Variants in HDAC9 observed in about 807,000 individuals in gnomAD.
The protein encoded by HDAC9 is histone deacetylase 9.
HDAC9 carries 41 observed loss-of-function variants against 139.4 expected under a neutral mutation model. That is an observed-to-expected ratio of 0.29 (90% CI 0.23 to 0.38). The LOEUF (loss-of-function observed/expected upper bound fraction) is 0.38. Ranked by LOEUF, HDAC9 falls within the 10% of genes least tolerant of loss-of-function variation. The pLI is 1.00. For missense variants in HDAC9, 1,147 were observed against 1,297.0 expected, an observed-to-expected ratio of 0.88 and a Z score of 1.78; for synonymous variants, 517 against 476.2, an observed-to-expected ratio of 1.09 and a Z score of -1.12.
chr7:18,765,860 T>G (rs544521110), intron 15 of HDAC9, among the ~76,000 whole-genome samples: 456 of 152,324 alleles, frequency 3.0e-3, no homozygotes, highest in Non-Finnish European at 4.9e-3. Flanking sequence ...TTTATGATTT[T>G]TATTTGTAAT....
intron 2 of HDAC9, among the ~76,000 whole-genome samples, chr7:18,571,635 T>A (rs942627848): frequency 1.4e-4 from 21 of 152,122 alleles, no homozygotes; most frequent in African/African-American, 1.9e-4. Context: ...TTTTTATTTT[T>A]TTTTTTGGTA....
intron 6 of HDAC9, among the ~76,000 whole-genome samples, chr7:18,623,454 A>G (rs1015432695): frequency 3.3e-5 from 5 of 152,150 alleles, no homozygotes; most frequent in African/African-American, 1.2e-4. Flanking sequence ...TTTTAACATA[A>G]CTTCATCTTA....
At chr7:18,689,546 C>T (rs1782525008) in intron 12 of HDAC9, among the ~76,000 whole-genome samples, 1 of 151,986 alleles carries the variant, frequency 6.6e-6, no homozygotes, top group African/African-American at 2.4e-5. Context: ...TTTCTCTTAA[C>T]CAGATAGTGC....
intron 6 of HDAC9, among the ~76,000 whole-genome samples, chr7:18,623,845 G>A (rs964638542): frequency 1.3e-5 from 2 of 152,116 alleles, no homozygotes; most frequent in Non-Finnish European, 2.9e-5. Context: ...GGGAGGCTGA[G>A]GCAGAATTGC....
At chr7:18,990,927 G>T (rs1277452601) in intron 25 of HDAC9, among the ~76,000 whole-genome samples, 1 of 152,220 alleles carries the variant, frequency 6.6e-6, no homozygotes, top group Non-Finnish European at 1.5e-5. Flanking sequence ...CGCACCCACT[G>T]ACCTGCGCCC....
intron 1 of HDAC9, among the ~76,000 whole-genome samples, chr7:18,429,549 T>TTGTGTG (rs544337272): frequency 0.018 from 2,673 of 150,192 alleles, 65 homozygotes; most frequent in African/African-American, 0.059. Flanking sequence ...GTGTGTGTAT[T>TTGTGTG]TGTGTGTGTG....
chr7:18,498,268 TC>T (rs1790713721), intron 2 of HDAC9, among the ~76,000 whole-genome samples: 1 of 152,258 alleles, frequency 6.6e-6, no homozygotes, highest in Admixed American at 6.5e-5. Context: ...ATTGTATACT[TC>T]CTGTGAGGCA....
chr7:18,829,333 G>T, intron 18 of HDAC9, 117 bp downstream of exon 18: 1 of 1,125,966 alleles, frequency 8.9e-7, no homozygotes, highest in Non-Finnish European at 1.4e-6. Context: ...ATCTTGCGAG[G>T]TACTCCCAGA....
chr7:18,826,154 A>G (rs969517667), intron 17 of HDAC9, among the ~76,000 whole-genome samples: 2 of 152,164 alleles, frequency 1.3e-5, no homozygotes, highest in African/African-American at 4.8e-5. Context: ...AGAGTCAGGC[A>G]TCTTACTGTG....
intron 1 of HDAC9, among the ~76,000 whole-genome samples, chr7:18,155,606 C>T (rs534124654): frequency 1.3e-5 from 2 of 152,172 alleles, no homozygotes; most frequent in Non-Finnish European, 2.9e-5. Context: ...TTACACCCAA[C>T]AATGTAGCCT....
chr7:18,156,173 G>A (rs866794212), intron 1 of HDAC9, among the ~76,000 whole-genome samples: 6 of 152,142 alleles, frequency 3.9e-5, no homozygotes, highest in Admixed American at 2.0e-4. Flanking sequence ...AGTTTATAGA[G>A]CTTGTCTAAT....
At chr7:18,618,726 G>GTATATATATATATATATATATA (rs71014394) in intron 6 of HDAC9, among the ~76,000 whole-genome samples, 5 of 120,050 alleles carry the variant, frequency 4.2e-5, no homozygotes, top group Non-Finnish European at 7.1e-5. Context: ...ACAGAATTTT[G>GTATATATATATATATATATATA]TATATATATA....
chr7:18,770,515 A>G (rs922113752), intron 16 of HDAC9, among the ~76,000 whole-genome samples: 13 of 152,048 alleles, frequency 8.5e-5, no homozygotes, highest in African/African-American at 2.9e-4. Context: ...TCTCAGCCTC[A>G]TTTTCCCCTC....
intron 19 of HDAC9, among the ~76,000 whole-genome samples, chr7:18,835,054 A>G (rs1297604163): frequency 6.6e-6 from 1 of 152,178 alleles, no homozygotes; most frequent in Non-Finnish European, 1.5e-5. Context: ...GGGGTTATGA[A>G]CTGTTGGCAG....
intron 2 of HDAC9, among the ~76,000 whole-genome samples, chr7:18,205,831 GTTTGA>G (rs1408377325): frequency 1.3e-5 from 2 of 152,000 alleles, no homozygotes; most frequent in East Asian, 1.9e-4. Context: ...GTAATTCAGT[GTTTGA>G]TTTATTTCTT....
At chr7:18,557,575 G>A (rs949449908) in intron 2 of HDAC9, among the ~76,000 whole-genome samples, 4 of 150,642 alleles carry the variant, frequency 2.7e-5, no homozygotes, top group Non-Finnish European at 5.9e-5. Flanking sequence ...TCTACTAGTA[G>A]TAGTAGTAGA....
intron 2 of HDAC9, among the ~76,000 whole-genome samples, chr7:18,257,984 A>G (rs986269341): frequency 6.6e-6 from 1 of 152,156 alleles, no homozygotes; most frequent in Non-Finnish European, 1.5e-5. Flanking sequence ...CTCCAACCCC[A>G]TCTCAGACCC....
chr7:18,253,427 CT>C (rs1462686332), intron 2 of HDAC9, among the ~76,000 whole-genome samples: 1 of 152,052 alleles, frequency 6.6e-6, no homozygotes, highest in Non-Finnish European at 1.5e-5. Flanking sequence ...TATTTTTTAA[CT>C]TTTTATAATA....
At chr7:18,177,711 G>T (rs1789037427) in intron 2 of HDAC9, among the ~76,000 whole-genome samples, 2 of 152,144 alleles carry the variant, frequency 1.3e-5, no homozygotes, top group Non-Finnish European at 2.9e-5. Context: ...AGCTTTTTGA[G>T]GGCAAGGGAC....
Sources: allele counts gnomAD v4.1 joint callset (sites outside exome capture counted in the v4.1 genomes callset), GRCh38; gene constraint gnomAD v4.1.1; transcripts MANE v1.5; gene names NCBI Gene and HGNC (gene_info 2026-07-23, HGNC 2026-07-21).